Variants in EVL observed in about 807,000 individuals in gnomAD.
EVL encodes Enah/Vasp-like, also known as ena/VASP-like protein.
In EVL, 21 loss-of-function variants were observed where a neutral mutation model predicts 59.6. The ratio of observed to expected loss-of-function variants is 0.35; its 90% CI spans 0.25 to 0.51. The LOEUF is 0.51. Ranked by LOEUF, EVL falls within the 20% of genes least tolerant of loss-of-function variation. The pLI is 0.97. For synonymous variants in EVL, 198 were observed against 203.5 expected (o/e 0.97, Z 0.23); for missense variants, 462 against 546.6 (o/e 0.85, Z 1.54).
At chr14:99,984,424 G>T (rs1037326722) in intron 1 of EVL, among the ~76,000 whole-genome samples, 1 of 152,074 alleles carries the variant, frequency 6.6e-6, no homozygotes, top group African/African-American at 2.4e-5. Context: ...GGAGACCCCA[G>T]CCCCATCCCC....
At position 100,109,520 on chromosome 14, in the gene EVL, G is replaced by T. The variant is rs1190479073; in HGVS notation, c.358+11862G>T. The T allele has an allele frequency of 2.1e-6, 1 of 465,858 alleles. No homozygotes were observed. The allele number at this position is 465,858 out of a possible 1,614,324, so 28.9% of individuals were successfully genotyped here. ...GAGACTGACACATCAGAGGTGTCTG[G>T]TGACTGAACAAGCTCCCAGCTTGCG... On this transcript the variant is annotated intron_variant, in intron 3 of 13. Transcript: ENST00000392920. This position sits in a 1 kb window ranked among gnomAD's most constrained non-coding sequence, Gnocchi z 4.3.
intron 2 of EVL, among the ~76,000 whole-genome samples, chr14:100,096,670 A>G (rs1221424275): frequency 6.6e-6 from 1 of 152,222 alleles, no homozygotes; most frequent in Non-Finnish European, 1.5e-5. Context: ...GGCACGACTT[A>G]GGAATATAGT....
At chr14:100,026,136 A>G (rs2061207188) in intron 1 of EVL, among the ~76,000 whole-genome samples, 1 of 151,824 alleles carries the variant, frequency 6.6e-6, no homozygotes, top group Non-Finnish European at 1.5e-5. Flanking sequence ...CTGTGGTCCC[A>G]GCTGCTTGGG....
At chr14:100,054,174 C>A (rs1232337087) in intron 1 of EVL, among the ~76,000 whole-genome samples, 1 of 151,566 alleles carries the variant, frequency 6.6e-6, no homozygotes, top group Non-Finnish European at 1.5e-5. Context: ...CCTGCCTCAG[C>A]CTCCCAAGTA....
chr14:99,997,080 A>G (rs1179285845), intron 1 of EVL, among the ~76,000 whole-genome samples: 3 of 152,246 alleles, frequency 2.0e-5, no homozygotes, highest in African/African-American at 4.8e-5. Context: ...TCAAAATGTC[A>G]TAACTCAGAA....
intron 1 of EVL, among the ~76,000 whole-genome samples, chr14:100,058,049 C>A (rs978420532): frequency 6.6e-6 from 1 of 152,116 alleles, no homozygotes; most frequent in Non-Finnish European, 1.5e-5. Flanking sequence ...TCACAAACAT[C>A]CCAATGAGAA....
intron 13 of EVL, among the ~76,000 whole-genome samples, chr14:100,142,390 T>C (rs1245205109): frequency 2.0e-5 from 3 of 152,078 alleles, no homozygotes; most frequent in Non-Finnish European, 4.4e-5. Flanking sequence ...CAGCAGAGCC[T>C]TTGAATGCTC....
chr14:99,996,546 A>G (rs1463784114), intron 1 of EVL, among the ~76,000 whole-genome samples: 1 of 152,092 alleles, frequency 6.6e-6, no homozygotes, highest in Non-Finnish European at 1.5e-5. Context: ...TCATTTGTTG[A>G]GTATTTTTAC....
At chr14:100,132,256 G>A (rs1005318673) in intron 7 of EVL, among the ~76,000 whole-genome samples, 29 of 149,596 alleles carry the variant, frequency 1.9e-4, no homozygotes, top group Non-Finnish European at 2.8e-4. Flanking sequence ...TGGGGAGGGC[G>A]TGGCTGGGTT....
chr14:100,009,380 C>T (rs955912009), intron 1 of EVL, among the ~76,000 whole-genome samples: 3 of 152,218 alleles, frequency 2.0e-5, no homozygotes, highest in African/African-American at 4.8e-5. Flanking sequence ...TTGAAATTCC[C>T]ACAGTGTTCA....
At chr14:99,990,487 A>G (rs1566963638) in intron 1 of EVL, among the ~76,000 whole-genome samples, 1 of 152,052 alleles carries the variant, frequency 6.6e-6, no homozygotes, top group African/African-American at 2.4e-5. Flanking sequence ...CCCATTAAAC[A>G]CTAATTCCCA....
intron 2 of EVL, among the ~76,000 whole-genome samples, chr14:100,087,968 T>C (rs1174286265): frequency 6.6e-6 from 1 of 152,208 alleles, no homozygotes; most frequent in Admixed American, 6.5e-5. Flanking sequence ...GAAGGGGGCA[T>C]GACTGCGATT....
chr14:100,087,485 C>T (rs1399641792), intron 2 of EVL, among the ~76,000 whole-genome samples: 1 of 152,090 alleles, frequency 6.6e-6, no homozygotes, highest in Non-Finnish European at 1.5e-5. Flanking sequence ...CGTGGTGGGG[C>T]ATGCCTGTAG....
In EVL at chr14:100,036,405, C is replaced by A. The variant is rs2061389092; in HGVS notation, c.6-48282C>A. Among the ~76,000 whole-genome samples, 3 of 152,130 alleles carry A rather than the reference C, an allele frequency of 2.0e-5. No individual in the cohort carries two copies. The South Asian group carries it at 6.2e-4, about 32-fold the overall frequency. Reference sequence around the variant, plus strand: ...AGAGCTGTCAAGATCATGAAAGCTTCAAATCATTATTTCCCATCATGTGGG... The same window carrying A: ...AGAGCTGTCAAGATCATGAAAGCTTAAAATCATTATTTCCCATCATGTGGG... On this transcript the variant is annotated intron_variant, in intron 1 of 13. Coordinates refer to the EVL transcript ENST00000402714.
At chr14:100,141,644 G>C in intron 12 of EVL, 92 bp from the exon 13 acceptor site, 1 of 1,228,780 alleles carries the variant, frequency 8.1e-7, no homozygotes, top group African/African-American at 1.5e-5. Context: ...AGAGGCCCAG[G>C]AGACCCCAAG....
intron 1 of EVL, among the ~76,000 whole-genome samples, chr14:99,993,709 T>TTTG (rs2060891315): frequency 7.0e-6 from 1 of 143,712 alleles, no homozygotes; most frequent in African/African-American, 2.6e-5. Context: ...TTTTTTTTTT[T>TTTG]GACTTAGAGT....
At chr14:99,979,495 A>G (rs761361487) in intron 1 of EVL, among the ~76,000 whole-genome samples, 2 of 151,554 alleles carry the variant, frequency 1.3e-5, no homozygotes, top group Non-Finnish European at 2.9e-5. Flanking sequence ...TTTCAGTTAT[A>G]TGTGAAGTTG....
chr14:100,027,054 A>T (rs2061226343), intron 1 of EVL, among the ~76,000 whole-genome samples: 1 of 152,210 alleles, frequency 6.6e-6, no homozygotes, highest in African/African-American at 2.4e-5. Flanking sequence ...TGTCCATCTG[A>T]CAAGCCAAAA....
intron 1 of EVL, among the ~76,000 whole-genome samples, chr14:100,032,554 G>A (rs74507537): frequency 6.6e-6 from 1 of 152,104 alleles, no homozygotes; most frequent in Non-Finnish European, 1.5e-5. Context: ...TCTACAGGTG[G>A]AGCCCTCCAT....
Sources: gnomAD v4.1 joint callset for allele counts (sites outside exome capture counted in the v4.1 genomes callset) on GRCh38, gnomAD v4.1.1 for gene constraint, Gnocchi (gnomAD v3.1) non-coding constraint, MANE v1.5 for transcripts, NCBI Gene and HGNC (gene_info 2026-07-23, HGNC 2026-07-21) for gene names.